Variants in ZNF573 observed in about 807,000 individuals in gnomAD.
The protein encoded by ZNF573 is zinc finger protein 573.
ZNF573 carries 41 observed loss-of-function variants against 57.4 expected under a neutral mutation model. The observed-to-expected ratio is 0.71, with a 90% CI of 0.56 to 0.93. The LOEUF (loss-of-function observed/expected upper bound fraction) is 0.93, where lower values mean the gene tolerates loss of function less well. Ranked by LOEUF, ZNF573 falls within the 40% of genes least tolerant of loss-of-function variation. ZNF573 has a pLI of 0.00. For missense variants in ZNF573, 730 were observed against 794.8 expected (o/e 0.92, Z 0.98); for synonymous variants, 249 against 261.0 (o/e 0.95, Z 0.44).
At chr19:37,757,185 ATTG>A (rs1229998366) in intron 4 of ZNF573, among the ~76,000 whole-genome samples, 5 of 151,370 alleles carry the variant, frequency 3.3e-5, no homozygotes, top group East Asian at 1.9e-4. Context: ...TAAAATTATT[ATTG>A]TTGTTATTAT....
Position 37,771,565 on chromosome 19 carries a change from C to T in ZNF573, c.201G>A (p.Leu67=). The T allele has an allele frequency of 1.2e-6, 2 of 1,609,592 alleles. No individual in the cohort carries two copies. Among genetic ancestry groups the T allele is most frequent in the Non-Finnish European group, 1.7e-6 (2 of 1,178,058 alleles). The change falls in exon 3 of 5, where the codon CTG becomes CTA. Residue 67 remains leucine (L), a splice_region_variant and synonymous_variant. Transcript: ENST00000536220. ...ATTACTTGAGGCAAATAAACTTACC[C>T]AGTGATACCAGGTTTCTATAGTTCT... The part of the protein sequence containing the change: ...MLENYRNLVS[L]GGHSISKPVV...
chr19:37,768,948 G>C (rs1198306770), intron 4 of ZNF573, among the ~76,000 whole-genome samples: 3 of 151,418 alleles, frequency 2.0e-5, no homozygotes, highest in African/African-American at 7.3e-5. Context: ...TTACAGGCGT[G>C]AGCCGCTGCG....
intron 4 of ZNF573, among the ~76,000 whole-genome samples, chr19:37,764,728 C>T (rs1424206801): frequency 9.9e-5 from 15 of 151,624 alleles, no homozygotes; most frequent in African/African-American, 2.4e-4. Context: ...CTCAGCCTCC[C>T]GAGTAGCTGG....
At chr19:37,750,427 A>G (rs2045422525) in intron 4 of ZNF573, among the ~76,000 whole-genome samples, 1 of 152,096 alleles carries the variant, frequency 6.6e-6, no homozygotes, top group East Asian at 1.9e-4. Context: ...TTGCAATCCA[A>G]TCCCACTCAT....
intron 4 of ZNF573, among the ~76,000 whole-genome samples, chr19:37,760,132 C>T (rs1264268572): frequency 6.6e-6 from 1 of 152,144 alleles, no homozygotes; most frequent in Non-Finnish European, 1.5e-5. Flanking sequence ...TACATAGCTG[C>T]CAGTTCAATG....
chr19:37,771,650 CGA>C lies in ZNF573; in HGVS notation c.114_115del (p.Arg39AlafsTer9), dbSNP rs1568424550. 1 of 1,602,720 alleles carries C rather than the reference CGA, an allele frequency of 6.2e-7. No homozygotes were observed. The highest frequency in any genetic ancestry group is 2.3e-5 in the East Asian group (1 of 44,018). Reference sequence around the variant, plus strand: ...AGGGTCCAGGTATTCCCACTCCTGCCGAGAGAAGTCTATGGCCACATCCCTGA... The same window carrying C: ...AGGGTCCAGGTATTCCCACTCCTGCCGAGAAGTCTATGGCCACATCCCTGA... On this transcript the variant is annotated frameshift_variant, in exon 3 of 5. Transcript: ENST00000536220. LOFTEE classifies it high-confidence loss of function.
chr19:37,747,064 C>T (rs779767730), intron 4 of ZNF573, among the ~76,000 whole-genome samples: 4 of 152,152 alleles, frequency 2.6e-5, no homozygotes, highest in Non-Finnish European at 4.4e-5. Flanking sequence ...GCTAAAAGAG[C>T]TATCAATGTC....
chr19:37,764,724 C>T (rs542488945), intron 4 of ZNF573, among the ~76,000 whole-genome samples: 1 of 151,876 alleles, frequency 6.6e-6, no homozygotes, highest in Admixed American at 6.6e-5. Flanking sequence ...CTGCCTCAGC[C>T]TCCCGAGTAG....
At chr19:37,743,282 T>A (rs1473675597) in intron 4 of ZNF573, among the ~76,000 whole-genome samples, 1 of 136,336 alleles carries the variant, frequency 7.3e-6, no homozygotes, top group Non-Finnish European at 1.5e-5. Flanking sequence ...ATCAAGCCAC[T>A]GCACTCCAGC....
intron 1 of ZNF573, among the ~76,000 whole-genome samples, chr19:37,774,980 A>AGTGTC (rs886872796): frequency 6.6e-6 from 1 of 151,212 alleles, no homozygotes; most frequent in Non-Finnish European, 1.5e-5. Context: ...ACTTAGCCAC[A>AGTGTC]GTGTCATCCA....
chr19:37,738,526 G>T lies in ZNF573; in HGVS notation c.1964C>A (p.Ala655Asp), dbSNP rs1295638996. ...TATGCTCCTATGAATTCTCTGATGGGCTTTAAGGGCTGAACCATATCTGAA... is the reference window on the plus strand; with the variant it reads ...TATGCTCCTATGAATTCTCTGATGGTCTTTAAGGGCTGAACCATATCTGAA... ...KTFRYGSALK[A>D]HQRIHRSIKV The change falls in exon 5 of 5, where the codon GCC becomes GAC. Residue 655 changes from alanine (A) to aspartate (D), a missense_variant. Transcript: ENST00000536220. 2 of 1,551,952 alleles carry T rather than the reference G, an allele frequency of 1.3e-6. No individual in the cohort carries two copies. Among genetic ancestry groups the T allele is most frequent in the South Asian group, 1.3e-5 (1 of 78,852 alleles).
chr19:37,747,685 C>A (rs1281708499), intron 4 of ZNF573, among the ~76,000 whole-genome samples: 1 of 151,966 alleles, frequency 6.6e-6, no homozygotes, highest in Non-Finnish European at 1.5e-5. Context: ...TGATGAAAAG[C>A]ATACTTCACC....
intron 1 of ZNF573, among the ~76,000 whole-genome samples, chr19:37,774,126 CTTTTTTT>C (rs539456711): frequency 1.4e-4 from 12 of 87,782 alleles, no homozygotes; most frequent in Admixed American, 2.5e-4. Context: ...CTAGAAGCTT[CTTTTTTT>C]TTTTTTTTTT....
intron 4 of ZNF573, among the ~76,000 whole-genome samples, chr19:37,749,061 G>C (rs1042381488): frequency 2.0e-5 from 3 of 150,526 alleles, no homozygotes; most frequent in African/African-American, 7.3e-5. Context: ...TAGTAGATAA[G>C]ACTACATTAC....
chr19:37,762,450 T>C (rs2045561489), intron 4 of ZNF573, among the ~76,000 whole-genome samples: 1 of 152,080 alleles, frequency 6.6e-6, no homozygotes, highest in African/African-American at 2.4e-5. Flanking sequence ...TAACAAAACA[T>C]TTTCTAATGT....
chr19:37,776,877 T>C (rs1215071794), intron 1 of ZNF573, among the ~76,000 whole-genome samples: 1 of 152,098 alleles, frequency 6.6e-6, no homozygotes, highest in Admixed American at 6.5e-5. Context: ...AACAAACATA[T>C]GAAAAAATGC....
intron 4 of ZNF573, among the ~76,000 whole-genome samples, chr19:37,757,886 G>A (rs546640570): frequency 2.6e-4 from 40 of 151,978 alleles, no homozygotes; most frequent in Middle Eastern, 6.8e-3. Flanking sequence ...GTTCATGTCC[G>A]TTGTAGGGAC....
chr19:37,772,293 CA>C (rs1420952765), intron 2 of ZNF573, among the ~76,000 whole-genome samples: 1 of 151,920 alleles, frequency 6.6e-6, no homozygotes, highest in East Asian at 1.9e-4. Context: ...AGGACCTGCC[CA>C]GCTAATTTTT....
chr19:37,771,218 T>C (rs1194193892), intron 3 of ZNF573, among the ~76,000 whole-genome samples: 1 of 151,802 alleles, frequency 6.6e-6, no homozygotes, highest in Non-Finnish European at 1.5e-5. Flanking sequence ...ATAGGAATTC[T>C]GGAAATATGC....
Sources: allele counts gnomAD v4.1 joint callset (sites outside exome capture counted in the v4.1 genomes callset), GRCh38; gene constraint gnomAD v4.1.1; transcripts MANE v1.5; gene names NCBI Gene and HGNC (gene_info 2026-07-23, HGNC 2026-07-21).